The following PROSER2 variants were observed in gnomAD, a reference collection of about 807,000 sequenced individuals.
PROSER2 encodes the protein proline and serine-rich protein 2.
PROSER2 carries 18 observed loss-of-function variants against 14.6 expected under a neutral mutation model. That is an observed-to-expected ratio of 1.23 (90% confidence interval 0.85 to 1.83). The LOEUF (loss-of-function observed/expected upper bound fraction) is 1.83, where lower values mean the gene tolerates loss of function less well. PROSER2 is among the 40% of genes most tolerant of loss of function. The pLI is 0.00. For missense variants in PROSER2, 823 were observed against 629.8 expected (o/e 1.31, Z -3.28); for synonymous variants, 367 against 286.4 (o/e 1.28, Z -2.84).
Position 11,869,552 on chromosome 10 carries a change from C to A in PROSER2, c.454C>A (p.Pro152Thr). 1.2e-6 allele frequency: 2 copies of A among 1,613,374 alleles called. No homozygotes were observed. Among genetic ancestry groups the A allele is most frequent in the African/African-American group, 2.7e-5 (2 of 75,002 alleles). Reference sequence around the variant, plus strand: ...TGCTGAGACTCCTCCACCTCCAGACCCCCCGGCTCCCGAGACCCTTCTTGC... The same window carrying A: ...TGCTGAGACTCCTCCACCTCCAGACACCCCGGCTCCCGAGACCCTTCTTGC... ...QDAETPPPPD[P>T]PAPETLLAPP... The change falls in exon 4 of 4, where the codon CCC (proline) becomes ACC (threonine). Residue 152 changes from proline (P) to threonine (T), a missense_variant. Coordinates refer to ENST00000277570, the MANE Select transcript of PROSER2 (RefSeq NM_153256.4). The surrounding 1 kb of genome is among the most constrained non-coding windows in gnomAD (Gnocchi z 4.4).
rs1480038659 is a variant in PROSER2 at position 11,869,780 on chromosome 10, C to T, written c.682C>T (p.Pro228Ser). Residue 228 changes from proline to serine, a missense_variant, in exon 4 of 4, where the codon CCT becomes TCT. Pro to Ser is a moderately conservative substitution (Grantham distance 74, BLOSUM62 -1). Coordinates refer to ENST00000277570, the MANE Select transcript of PROSER2 (RefSeq NM_153256.4). This position sits in a 1 kb window ranked among gnomAD's most constrained non-coding sequence, Gnocchi z 4.4. Reference sequence around the variant, plus strand: ...GGGCCGGCCCGGGGAGTGGAGGACACCTGCCGCCCGGGGGCCCCGCAGTGG... The same window carrying T: ...GGGCCGGCCCGGGGAGTGGAGGACATCTGCCGCCCGGGGGCCCCGCAGTGG... ...REGRPGEWRT[P>S]AARGPRSGDP... 6 of 1,559,478 alleles carry T rather than the reference C, an allele frequency of 3.8e-6. No homozygotes were observed. In the African/African-American group the frequency reaches 4.1e-5, roughly 11 times the overall value.
At chr10:11,861,318 C>T (rs1299453094) in intron 2 of PROSER2, among the ~76,000 whole-genome samples, 3 of 152,230 alleles carry the variant, frequency 2.0e-5, no homozygotes, top group Admixed American at 6.5e-5. Flanking sequence ...CCATGCACGC[C>T]GTGTTTCCAT....
At chr10:11,858,265 A>T (rs952655517) in intron 2 of PROSER2, among the ~76,000 whole-genome samples, 1 of 152,190 alleles carries the variant, frequency 6.6e-6, no homozygotes, top group Non-Finnish European at 1.5e-5. Context: ...TTACTTCAGT[A>T]CACGTATTTT....
intron 3 of PROSER2, among the ~76,000 whole-genome samples, chr10:11,868,638 GTT>G (rs1554768514): frequency 0.02 from 2,657 of 136,206 alleles, 63 homozygotes; most frequent in African/African-American, 0.071. Flanking sequence ...CAGGTTTTTT[GTT>G]TTTTGTTTTG....
In PROSER2 at chr10:11,870,647, C is replaced by T. The variant is rs533396199; in HGVS notation, c.*241C>T. The T allele has an allele frequency of 6.7e-6, 3 of 447,728 alleles. No homozygotes were observed. The highest frequency in any genetic ancestry group is 5.0e-5 in the South Asian group (1 of 19,816). 27.7% of individuals were successfully genotyped at this position (447,728 alleles called of 1,614,324 possible). On this transcript the variant is annotated 3_prime_UTR_variant, in exon 4 of 4. Transcript: ENST00000277570. ...GGAATCTGGCCGAGGGCTTGTCTCC[C>T]TTTTCCCAAGAACTGAGAGAGAGAG...
intron 1 of PROSER2, among the ~76,000 whole-genome samples, chr10:11,825,774 C>G (rs117432791): frequency 1.2e-4 from 19 of 152,300 alleles, no homozygotes; most frequent in Non-Finnish European, 2.4e-4. Flanking sequence ...TCTGCCTTGT[C>G]GGACAGGGAT....
chr10:11,846,121 G>A (rs1441119720), intron 1 of PROSER2, among the ~76,000 whole-genome samples: 1 of 152,020 alleles, frequency 6.6e-6, no homozygotes, highest in Non-Finnish European at 1.5e-5. Flanking sequence ...CAAGTAGCTG[G>A]GATTATAGGT....
chr10:11,863,371 G>A (rs946758740), intron 2 of PROSER2, among the ~76,000 whole-genome samples: 8 of 151,980 alleles, frequency 5.3e-5, no homozygotes, highest in Non-Finnish European at 1.5e-5. Flanking sequence ...AATCACTTCT[G>A]ATAAGACAAA....
intron 1 of PROSER2, among the ~76,000 whole-genome samples, chr10:11,846,934 G>A (rs1275994837): frequency 6.6e-6 from 1 of 151,612 alleles, no homozygotes; most frequent in Non-Finnish European, 1.5e-5. Flanking sequence ...AGTTGGGGTG[G>A]GGTCGGGGGG....
At chr10:11,848,634 C>T (rs1173513976) in intron 1 of PROSER2, among the ~76,000 whole-genome samples, 4 of 152,272 alleles carry the variant, frequency 2.6e-5, no homozygotes, top group South Asian at 2.1e-4. Flanking sequence ...GTAAACCTCC[C>T]TTGGTGCCCC....
chr10:11,853,945 CTCTG>C (rs1299876189), intron 2 of PROSER2, among the ~76,000 whole-genome samples: 12 of 152,304 alleles, frequency 7.9e-5, no homozygotes, highest in Non-Finnish European at 1.3e-4. Context: ...TGTGATGTCT[CTCTG>C]TCTGTTCCCT....
In PROSER2 at chr10:11,830,496, C is replaced by T. The variant is rs1394675941; in HGVS notation, c.-82+7026C>T. On this transcript the variant is annotated intron_variant, in intron 1 of 3. Coordinates refer to ENST00000277570, the MANE Select transcript of PROSER2 (RefSeq NM_153256.4). The surrounding 1 kb of genome is among the most constrained non-coding windows in gnomAD (Gnocchi z 4.5). ...CAGCGCCGCGGTAAAGATGCAAGTG[C>T]AGGTGTCTTTTGATGTAATGATTTC... Among the ~76,000 whole-genome samples the T allele has an allele frequency of 6.6e-6, 1 of 152,104 alleles. No homozygotes were observed. The highest frequency in any genetic ancestry group is 1.5e-5 in the Non-Finnish European group (1 of 68,036).
In PROSER2 at chr10:11,837,211, A is replaced by G. The variant is rs767173444; in HGVS notation, c.-82+13741A>G. On this transcript the variant is annotated intron_variant, in intron 1 of 3. Coordinates refer to ENST00000277570, the MANE Select transcript of PROSER2 (RefSeq NM_153256.4). The surrounding 1 kb of genome is among the most constrained non-coding windows in gnomAD (Gnocchi z 4.6). Reference sequence around the variant, plus strand: ...AGATGTGAAAGTTCTGAACTTGGAGAAGAAAAAAAAATCAAATGCTGAGGT... The same window carrying G: ...AGATGTGAAAGTTCTGAACTTGGAGGAGAAAAAAAAATCAAATGCTGAGGT... Among the ~76,000 whole-genome samples, 26 of 152,200 alleles carry G rather than the reference A, an allele frequency of 1.7e-4. No homozygotes were observed. Among genetic ancestry groups the G allele is most frequent in the Non-Finnish European group, 3.2e-4 (22 of 68,040 alleles).
At position 11,837,267 on chromosome 10, in the gene PROSER2, T is replaced by A. The variant is rs1349364707; in HGVS notation, c.-82+13797T>A. ...AGACCTACTGTAAGAACAAATCATC[T>A]TCTGTCTGTGAAGGTGTGAAGAAGG... is the stretch of plus-strand genomic sequence containing the variant. On this transcript the variant is annotated intron_variant, in intron 1 of 3. Transcript: ENST00000277570. The surrounding 1 kb of genome is among the most constrained non-coding windows in gnomAD (Gnocchi z 4.6). Among the ~76,000 whole-genome samples, 2 of 152,216 alleles carry A rather than the reference T, an allele frequency of 1.3e-5. No individual in the cohort carries two copies. The highest frequency in any genetic ancestry group is 2.9e-5 in the Non-Finnish European group (2 of 68,040).
rs939624105 is a variant in PROSER2 at position 11,871,100 on chromosome 10, T to TTG, written c.*702_*703dup. On this transcript the variant is annotated 3_prime_UTR_variant, in exon 4 of 4. Transcript: ENST00000277570. ...CTGGGACGTGTGCGTGAGCCTGTGT[T>TTG]TGTGTGTGTATGTTTTTAGATACGT... The TTG allele has an allele frequency of 6.6e-6, 1 of 152,194 alleles. No individual in the cohort carries two copies. The highest frequency in any genetic ancestry group is 1.5e-5 in the Non-Finnish European group (1 of 68,030). The allele number at this position is 152,194 out of a possible 1,614,324, so 9.4% of individuals were successfully genotyped here. A position where few individuals can be genotyped will look rare whatever the true frequency, so the allele number is the denominator to read the frequency against.
chr10:11,847,380 C>T (rs1051767894), intron 1 of PROSER2, among the ~76,000 whole-genome samples: 1 of 152,062 alleles, frequency 6.6e-6, no homozygotes, highest in Non-Finnish European at 1.5e-5. Context: ...GAGTCAGTGG[C>T]TGGTTTTTAG....
At chr10:11,824,534 A>G (rs1833584769) in intron 1 of PROSER2, among the ~76,000 whole-genome samples, 2 of 152,174 alleles carry the variant, frequency 1.3e-5, no homozygotes, top group South Asian at 4.1e-4. Context: ...TTGTTTTTCT[A>G]GGTGGAGGAG....
chr10:11,860,743 G>T (rs745933829), intron 2 of PROSER2, among the ~76,000 whole-genome samples: 1 of 152,196 alleles, frequency 6.6e-6, no homozygotes, highest in Non-Finnish European at 1.5e-5. Flanking sequence ...GTGGGGATCC[G>T]AGCAAGGGTC....
At chr10:11,849,288 T>C (rs1833977625) in intron 1 of PROSER2, among the ~76,000 whole-genome samples, 1 of 152,246 alleles carries the variant, frequency 6.6e-6, no homozygotes, top group Non-Finnish European at 1.5e-5. Flanking sequence ...TGAACATTGT[T>C]ACATATCTGT....
Sources: gnomAD v4.1 joint callset for allele counts (sites outside exome capture counted in the v4.1 genomes callset) on GRCh38, gnomAD v4.1.1 for gene constraint, Gnocchi (gnomAD v3.1) non-coding constraint, MANE v1.5 for transcripts, NCBI Gene and HGNC (gene_info 2026-07-23, HGNC 2026-07-21) for gene names.